The following GRM8 variants were observed in gnomAD, a reference collection of about 807,000 sequenced individuals.
GRM8 encodes the protein glutamate metabotropic receptor 8, also known as metabotropic glutamate receptor 8.
In GRM8, 47 loss-of-function variants were observed where a neutral mutation model predicts 87.2. That is an observed-to-expected ratio of 0.54 (90% CI 0.43 to 0.69). The LOEUF (loss-of-function observed/expected upper bound fraction) is 0.69, where lower values mean the gene tolerates loss of function less well. Ranked by LOEUF, GRM8 falls within the 30% of genes least tolerant of loss-of-function variation. GRM8 has a pLI of 0.00. For synonymous variants in GRM8, 396 were observed against 404.5 expected (o/e 0.98, Z 0.25); for missense variants, 1,019 against 1,139.2 (o/e 0.89, Z 1.52).
At chr7:127,015,942 G>C (rs900694358) in intron 3 of GRM8, among the ~76,000 whole-genome samples, 2 of 152,056 alleles carry the variant, frequency 1.3e-5, no homozygotes, top group Non-Finnish European at 2.9e-5. Context: ...AGACATTTGA[G>C]AGAATGAGAT....
chr7:126,942,413 T>C (rs896496966), intron 3 of GRM8, among the ~76,000 whole-genome samples: 2 of 152,124 alleles, frequency 1.3e-5, no homozygotes, highest in Admixed American at 1.3e-4. Context: ...CAATAATTCA[T>C]TATAATTGGA....
intron 8 of GRM8, among the ~76,000 whole-genome samples, chr7:126,602,844 C>T (rs1797952956): frequency 7.1e-6 from 1 of 139,868 alleles, no homozygotes; most frequent in Non-Finnish European, 1.6e-5. Flanking sequence ...GAAACTATTC[C>T]AATCAATAGA....
intron 9 of GRM8, among the ~76,000 whole-genome samples, chr7:126,532,682 A>G (rs547293178): frequency 5.3e-5 from 8 of 150,934 alleles, no homozygotes; most frequent in Non-Finnish European, 1.0e-4. Flanking sequence ...AACCTTGCCA[A>G]GGAGGACACA....
rs1817397531 is a variant in GRM8 at position 126,759,743 on chromosome 7, G to C, written c.1357+10122C>G. ...ACTCATCTCATCATTTTTGTAAGAT[G>C]ACCCAAGCAGTCTAAATATTCTCCA... is the stretch of plus-strand genomic sequence containing the variant. On this transcript the variant is annotated intron_variant, in intron 7 of 10. Transcript: ENST00000339582. Among the ~76,000 whole-genome samples the C allele has an allele frequency of 5.9e-5, 9 of 152,154 alleles. No homozygotes were observed. In the South Asian group the frequency reaches 1.9e-3, roughly 32 times the overall value.
intron 9 of GRM8, among the ~76,000 whole-genome samples, chr7:126,508,906 C>T (rs1468060565): frequency 6.6e-6 from 1 of 152,102 alleles, no homozygotes; most frequent in Non-Finnish European, 1.5e-5. Flanking sequence ...CCATGTCAGA[C>T]AGCAACTGTG....
intron 3 of GRM8, among the ~76,000 whole-genome samples, chr7:127,001,309 C>CA (rs969926895): frequency 4.0e-5 from 6 of 151,122 alleles, no homozygotes; most frequent in Non-Finnish European, 7.4e-5. Flanking sequence ...GAAAACTTTG[C>CA]AAAAAAACCC....
chr7:126,907,599 T>C (rs1258800947), intron 3 of GRM8, among the ~76,000 whole-genome samples: 2 of 152,000 alleles, frequency 1.3e-5, no homozygotes, highest in Non-Finnish European at 2.9e-5. Context: ...AAGGGTCCAA[T>C]TGTGTGTGGC....
At chr7:127,161,881 A>G (rs1216849942) in intron 2 of GRM8, among the ~76,000 whole-genome samples, 4 of 152,286 alleles carry the variant, frequency 2.6e-5, no homozygotes, top group East Asian at 3.9e-4. Context: ...AGGATCACTG[A>G]TTATACGATG....
chr7:126,791,093 G>C (rs995056231), intron 6 of GRM8, among the ~76,000 whole-genome samples: 1 of 152,104 alleles, frequency 6.6e-6, no homozygotes, highest in African/African-American at 2.4e-5. Flanking sequence ...CTTATGAATA[G>C]AGTGTCACTC....
At chr7:127,097,970 T>A (rs554752748) in intron 3 of GRM8, among the ~76,000 whole-genome samples, 1 of 152,216 alleles carries the variant, frequency 6.6e-6, no homozygotes, top group Non-Finnish European at 1.5e-5. Flanking sequence ...ATATTAGGAA[T>A]GGCTGGGGTG....
intron 2 of GRM8, among the ~76,000 whole-genome samples, chr7:127,140,672 G>C: frequency 6.6e-6 from 1 of 151,970 alleles, no homozygotes; most frequent in East Asian, 1.9e-4. Flanking sequence ...GCCCTTGAAC[G>C]CCACCCAGCT....
At chr7:126,483,088 ATATT>A (rs1265317102) in intron 9 of GRM8, among the ~76,000 whole-genome samples, 13 of 148,090 alleles carry the variant, frequency 8.8e-5, no homozygotes, top group East Asian at 2.0e-4. Context: ...ATATATAACT[ATATT>A]TATTTGTTAT....
At chr7:127,210,914 T>C (rs1031982738) in intron 2 of GRM8, among the ~76,000 whole-genome samples, 14 of 152,200 alleles carry the variant, frequency 9.2e-5, no homozygotes, top group African/African-American at 3.4e-4. Flanking sequence ...ACCACATAGG[T>C]ACATTAGACA....
chr7:126,534,036 TGAC>T (rs1815290697), intron 8 of GRM8, 149 bp from the exon 9 acceptor site: 1 of 627,832 alleles, frequency 1.6e-6, no homozygotes. Context: ...CCCCTGATAT[TGAC>T]TTTATGAAAG....
chr7:126,798,218 G>T (rs1170416894), intron 6 of GRM8, among the ~76,000 whole-genome samples: 2 of 151,824 alleles, frequency 1.3e-5, no homozygotes, highest in Non-Finnish European at 1.5e-5. Flanking sequence ...CAAAGAGAAT[G>T]CCCCAAAGCA....
At chr7:126,974,043 C>T (rs1459443546) in intron 3 of GRM8, among the ~76,000 whole-genome samples, 2 of 152,118 alleles carry the variant, frequency 1.3e-5, no homozygotes, top group Non-Finnish European at 2.9e-5. Flanking sequence ...GCAACACTGC[C>T]TTCTGATCAT....
intron 10 of GRM8, among the ~76,000 whole-genome samples, chr7:126,444,361 T>C (rs1801769899): frequency 6.6e-6 from 1 of 152,122 alleles, no homozygotes; most frequent in Non-Finnish European, 1.5e-5. Flanking sequence ...TACTCAGAGA[T>C]GATTGTAATG....
chr7:126,551,857 C>T (rs1792625011), intron 8 of GRM8, among the ~76,000 whole-genome samples: 1 of 152,046 alleles, frequency 6.6e-6, no homozygotes, highest in Non-Finnish European at 1.5e-5. Context: ...TCTTTGTTTA[C>T]TTGTTTACTT....
rs369584473 is a variant in GRM8 at position 126,978,691 on chromosome 7, A to G, written c.728-74008T>C. On this transcript the variant is annotated intron_variant, in intron 3 of 10. Transcript: ENST00000339582. ...AGTCAAGTGTTAGATAGGTGGCAGG[A>G]TTAGATGATCTTTGAAAGTCCCTCC... 6.6e-5 allele frequency among the ~76,000 whole-genome samples: 10 copies of G among 152,310 alleles called. No individual in the cohort carries two copies. The East Asian group carries it at 1.2e-3, about 18-fold the overall frequency.
Sources: allele counts gnomAD v4.1 joint callset (sites outside exome capture counted in the v4.1 genomes callset), GRCh38; gene constraint gnomAD v4.1.1; transcripts MANE v1.5; gene names NCBI Gene and HGNC (gene_info 2026-07-23, HGNC 2026-07-21).